ITGA11: variants seen among roughly 807,000 people sequenced by gnomAD.
ITGA11 encodes integrin subunit alpha 11.
ITGA11 carries 97 observed loss-of-function variants against 141.9 expected under a neutral mutation model. That is an observed-to-expected ratio of 0.68 (90% CI 0.58 to 0.81). The LOEUF (loss-of-function observed/expected upper bound fraction) is 0.81, where lower values mean the gene tolerates loss of function less well. ITGA11 is among the 30% of genes least tolerant of loss of function. The pLI is 0.00. For synonymous variants in ITGA11, 658 were observed against 624.6 expected (o/e 1.05, Z -0.80); for missense variants, 1,387 against 1,559.2 (o/e 0.89, Z 1.86).
At chr15:68,390,335 C>T (rs1346468651) in intron 2 of ITGA11, among the ~76,000 whole-genome samples, 2 of 152,106 alleles carry the variant, frequency 1.3e-5, no homozygotes, top group Admixed American at 6.5e-5. Flanking sequence ...GGCTGGTAAA[C>T]GGGGCATATC....
chr15:68,320,317 G>C lies in ITGA11; in HGVS notation c.2484C>G (p.Val828=). 1.2e-6 allele frequency: 2 copies of C among 1,613,874 alleles called. No homozygotes were observed. The highest frequency in any genetic ancestry group is 2.7e-5 in the African/African-American group (2 of 75,064). The change falls in exon 20 of 30, where the codon GTC becomes GTG. Residue 828 remains valine (V), a synonymous_variant. Transcript: ENST00000315757. ...SAYTLSFDTT[V]FIIESTRQRV... ...GCTGGCGTGTGCTCTCTATGATGAA[G>C]ACTGTGGTGTCGAAGGACAGCGTGT...
At position 68,303,883 on chromosome 15, in the gene ITGA11, G is replaced by A. The variant is rs200364693; in HGVS notation, c.3384C>T (p.Ile1128=). 3.7e-5 allele frequency: 59 copies of A among 1,604,534 alleles called. No individual in the cohort carries two copies. The highest frequency in any genetic ancestry group is 4.4e-5 in the Non-Finnish European group (52 of 1,172,356). ...IFREEDPSRQ[I]VFEISKQEDW... ...CCTCTTGCTTGGAGATCTCAAACAC[G>A]ATCTGCAAGGGGAGGGGGGCCGGGC... Residue 1128 remains isoleucine (I), a splice_region_variant and synonymous_variant, in exon 29 of 30, where the codon ATC becomes ATT. Transcript: ENST00000315757. This position sits in a 1 kb window ranked among gnomAD's most constrained non-coding sequence, Gnocchi z 5.3.
At position 68,328,137 on chromosome 15, in the gene ITGA11, G is replaced by A. The variant is rs562059147; in HGVS notation, c.2027C>T (p.Thr676Met). Residue 676 changes from threonine (T) to methionine (M), a missense_variant, in exon 16 of 30, where the codon ACG becomes ATG. Transcript: ENST00000315757. This position sits in a 1 kb window ranked among gnomAD's most constrained non-coding sequence, Gnocchi z 4.8. ...GAAATGGGGTGCCAGGAAGATGGGC[G>A]TGAAGCAGAGGAAGGCGGCCAGGCA... ...ATCLAAFLCFTPIFLAPHFQT... is the reference protein window; with the variant it reads ...ATCLAAFLCFMPIFLAPHFQT... 34 of 1,613,912 alleles carry A rather than the reference G, an allele frequency of 2.1e-5. No individual in the cohort carries two copies. Among genetic ancestry groups the A allele is most frequent in the African/African-American group, 1.5e-4 (11 of 75,058 alleles).
chr15:68,330,855 C>T, intron 15 of ITGA11, 126 bp downstream of exon 15: 1 of 1,025,014 alleles, frequency 9.8e-7, no homozygotes, highest in African/African-American at 1.6e-5. Flanking sequence ...GGGATAAGAA[C>T]AGGGTGGGTC....
Position 68,308,578 on chromosome 15 carries a change from A to T in ITGA11, c.3175-882T>A, listed in dbSNP as rs915452821. 3.3e-5 allele frequency among the ~76,000 whole-genome samples: 5 copies of T among 151,960 alleles called. No individual in the cohort carries two copies. The highest frequency in any genetic ancestry group is 2.1e-4 in the South Asian group (1 of 4,820). ...AACACAGTGAAACCCCGTCTCTATT[A>T]AAAAAATACAAAAAATTAGCCAGCC... is the stretch of plus-strand genomic sequence containing the variant. On this transcript the variant is annotated intron_variant, in intron 26 of 29. Transcript: ENST00000315757. This position sits in a 1 kb window ranked among gnomAD's most constrained non-coding sequence, Gnocchi z 5.2.
chr15:68,347,018 G>T (rs1894763428), intron 10 of ITGA11, among the ~76,000 whole-genome samples: 1 of 152,220 alleles, frequency 6.6e-6, no homozygotes, highest in Non-Finnish European at 1.5e-5. Context: ...TTTACAAGTT[G>T]ACTCCTGGTG....
At chr15:68,431,977 C>T in intron 1 of ITGA11, 38 bp downstream of exon 1, 1 of 1,280,468 alleles carries the variant, frequency 7.8e-7, no homozygotes, top group Non-Finnish European at 1.0e-6. Context: ...CAGGGAGGGA[C>T]TCCGAGAGGC....
chr15:68,357,018 T>C (rs72743257), intron 7 of ITGA11, 133 bp downstream of exon 7: 29,640 of 852,804 alleles, frequency 0.035, 930 homozygotes, highest in African/African-American at 0.14. Context: ...CCAGTCAAAC[T>C]CCAGAATTTT....
chr15:68,418,327 G>A (rs1896936006), intron 1 of ITGA11, among the ~76,000 whole-genome samples: 1 of 152,118 alleles, frequency 6.6e-6, no homozygotes, highest in African/African-American at 2.4e-5. Flanking sequence ...GGGGTTAAAG[G>A]GGAAAGTGAT....
chr15:68,364,345 C>T (rs573629009), intron 4 of ITGA11, among the ~76,000 whole-genome samples: 2 of 152,214 alleles, frequency 1.3e-5, no homozygotes. Flanking sequence ...CCAGCCCAGA[C>T]AACTAGCTCC....
At chr15:68,359,478 T>C (rs185246535) in intron 5 of ITGA11, among the ~76,000 whole-genome samples, 1 of 152,250 alleles carries the variant, frequency 6.6e-6, no homozygotes, top group East Asian at 1.9e-4. Flanking sequence ...AAACCCCGTC[T>C]CTACTAAAAA....
chr15:68,356,652 A>G (rs910350536), intron 7 of ITGA11, among the ~76,000 whole-genome samples: 2 of 152,110 alleles, frequency 1.3e-5, no homozygotes, highest in Admixed American at 1.3e-4. Flanking sequence ...GCAGAACCAA[A>G]TTCCCTTCCC....
intron 10 of ITGA11, among the ~76,000 whole-genome samples, chr15:68,341,405 T>C (rs4777042): frequency 0.39 from 59,289 of 152,136 alleles, 14,185 homozygotes; most frequent in African/African-American, 0.63. Context: ...CCAGAGGCCC[T>C]GTGAAATCAG....
At chr15:68,428,960 G>T (rs1236238648) in intron 1 of ITGA11, among the ~76,000 whole-genome samples, 1 of 152,148 alleles carries the variant, frequency 6.6e-6, no homozygotes, top group African/African-American at 2.4e-5. Flanking sequence ...TTGGGGCCCT[G>T]GCATGTATGT....
At chr15:68,356,306 G>C (rs1358043810) in intron 7 of ITGA11, among the ~76,000 whole-genome samples, 2 of 150,322 alleles carry the variant, frequency 1.3e-5, no homozygotes, top group African/African-American at 4.9e-5. Flanking sequence ...GTTTCACCGT[G>C]TTGCCCAGGC....
In ITGA11 at chr15:68,403,047, G is replaced by A. The variant is rs754857593; in HGVS notation, c.53-18C>T. 12 of 1,555,524 alleles carry A rather than the reference G, an allele frequency of 7.7e-6. No individual in the cohort carries two copies. Among genetic ancestry groups the A allele is most frequent in the Non-Finnish European group, 9.7e-6 (11 of 1,129,722 alleles). ...CGTGAACCCTGAGGCAGGGGGAGAGGAGAGGAGAAGCAGGGGAGTCAGACA... is the reference window on the plus strand; with the variant it reads ...CGTGAACCCTGAGGCAGGGGGAGAGAAGAGGAGAAGCAGGGGAGTCAGACA... On this transcript the variant is annotated intron_variant, in intron 1 of 29. Coordinates refer to ENST00000315757, the MANE Select transcript of ITGA11 (RefSeq NM_001004439.2).
At chr15:68,387,404 G>A (rs2140385612) in intron 2 of ITGA11, among the ~76,000 whole-genome samples, 1 of 152,242 alleles carries the variant, frequency 6.6e-6, no homozygotes, top group Non-Finnish European at 1.5e-5. Flanking sequence ...CAGACCAGCA[G>A]CACCAGCACC....
chr15:68,380,624 A>G (rs531911798), intron 2 of ITGA11, among the ~76,000 whole-genome samples: 2 of 152,176 alleles, frequency 1.3e-5, no homozygotes, highest in African/African-American at 2.4e-5. Context: ...ACTCCTGGAC[A>G]GAGGCTTGCA....
At position 68,350,762 on chromosome 15, in the gene ITGA11, G is replaced by A. The variant is rs1459528909; in HGVS notation, c.915C>T (p.Arg305=). 3 of 1,613,378 alleles carry A rather than the reference G, an allele frequency of 1.9e-6. No individual in the cohort carries two copies. The highest frequency in any genetic ancestry group is 3.3e-5 in the Admixed American group (2 of 59,966). The change falls in exon 9 of 30, where the codon CGC becomes CGT. Residue 305 remains arginine, a synonymous_variant. Transcript: ENST00000315757. ...GAAAAGTTTCTGGATTGATCCCCCTGCGGTTGTAGTAGCCCAGGACCTGCC... is the reference window on the plus strand; with the variant it reads ...GAAAAGTTTCTGGATTGATCCCCCTACGGTTGTAGTAGCCCAGGACCTGCC... ...YAVAVLGYYN[R]RGINPETFLN...
Sources: gnomAD v4.1 joint callset for allele counts (sites outside exome capture counted in the v4.1 genomes callset) on GRCh38, gnomAD v4.1.1 for gene constraint, Gnocchi (gnomAD v3.1) non-coding constraint, MANE v1.5 for transcripts, NCBI Gene and HGNC (gene_info 2026-07-23, HGNC 2026-07-21) for gene names.